Variants in TBPL1 observed in about 807,000 individuals in gnomAD.
TBPL1 encodes TATA box-binding protein-like 1.
TBPL1 carries 4 observed loss-of-function variants against 22.1 expected under a neutral mutation model. The ratio of observed to expected loss-of-function variants is 0.18; its 90% CI spans 0.09 to 0.41. The LOEUF (loss-of-function observed/expected upper bound fraction) is 0.41. Among genes scored for constraint, TBPL1 ranks in the 10% least tolerant of loss-of-function variants. TBPL1 has a pLI of 1.00. For synonymous variants in TBPL1, 64 were observed against 71.0 expected, an observed-to-expected ratio of 0.90 and a Z score of 0.50; for missense variants, 115 against 222.3, an observed-to-expected ratio of 0.52 and a Z score of 3.07.
chr6:133,971,580 T>A (rs755397368), intron 1 of TBPL1, among the ~76,000 whole-genome samples: 4 of 21,574 alleles, frequency 1.9e-4, no homozygotes, highest in Non-Finnish European at 4.8e-4. Flanking sequence ...AATACATAGG[T>A]GTTGTTGTTG....
At chr6:133,974,137 A>AT (rs1249971008) in intron 1 of TBPL1, among the ~76,000 whole-genome samples, 1 of 151,990 alleles carries the variant, frequency 6.6e-6, no homozygotes, top group African/African-American at 2.4e-5. Flanking sequence ...TAGACATATA[A>AT]TTTTTTCTAC....
chr6:133,979,041 CTTGT>C lies in TBPL1; in HGVS notation c.-44-1032_-44-1029del, dbSNP rs1218591740. On this transcript the variant is annotated intron_variant, in intron 1 of 6. Transcript: ENST00000237264. The stretch of plus-strand genomic sequence containing the variant: ...GTCACGTACTTAGTAAAAACTGGGG[CTTGT>C]TTGTTTGTATAAATCATAGGAGTCT... Among the ~76,000 whole-genome samples, 8 of 152,088 alleles carry C rather than the reference CTTGT, an allele frequency of 5.3e-5. No individual in the cohort carries two copies. The East Asian group carries it at 9.7e-4, about 18-fold the overall frequency.
In TBPL1 at chr6:133,977,055, A is replaced by G. The variant is rs72982288; in HGVS notation, c.-44-3027A>G. On this transcript the variant is annotated intron_variant, in intron 1 of 6. Transcript: ENST00000237264. ...AATTATCCTATTGAAAAGGGATATA[A>G]TATGTTTAGCTTTAGAAAGTAAATC... 2.5e-3 allele frequency among the ~76,000 whole-genome samples: 385 copies of G among 152,238 alleles called. 1 individual carries two copies. The highest frequency in any genetic ancestry group is 8.9e-3 in the South Asian group (43 of 4,818).
intron 1 of TBPL1, among the ~76,000 whole-genome samples, chr6:133,963,265 C>T (rs12199025): frequency 1.4e-3 from 219 of 152,256 alleles, no homozygotes; most frequent in South Asian, 2.3e-3. Context: ...TTTAATTACC[C>T]TATGATGGTG....
chr6:133,978,382 TGAGA>T (rs1170761493), intron 1 of TBPL1, among the ~76,000 whole-genome samples: 1 of 152,214 alleles, frequency 6.6e-6, no homozygotes, highest in African/African-American at 2.4e-5. Flanking sequence ...TGTTACAATA[TGAGA>T]ACACTGAGAC....
chr6:133,975,527 G>A lies in TBPL1; in HGVS notation c.-44-4555G>A, dbSNP rs564509378. The stretch of plus-strand genomic sequence containing the variant: ...TTCCTGAGAATTAAAAAAGAAAAAA[G>A]AAATAAGCCACCTTAAATTGTCTAA... On this transcript the variant is annotated intron_variant, in intron 1 of 6. Coordinates refer to ENST00000237264, the MANE Select transcript of TBPL1 (RefSeq NM_004865.4). 7.9e-3 allele frequency among the ~76,000 whole-genome samples: 1,198 copies of A among 152,138 alleles called. 8 individuals carry two copies. Among genetic ancestry groups the A allele is most frequent in the Non-Finnish European group, 0.013 (889 of 67,966 alleles).
rs1369244474 is a variant in TBPL1, at chr6:133,985,294, AAAAATATATATATATATATAT to A, written c.481+625_481+645del. 1.5e-3 allele frequency among the ~76,000 whole-genome samples: 101 copies of A among 68,060 alleles called. 17 individuals are homozygous for A. In the Middle Eastern group the frequency reaches 0.024, roughly 16 times the overall value. The allele number at this position is 68,060 out of a possible 152,430, so 44.7% of individuals were successfully genotyped here. On this transcript the variant is annotated intron_variant, in intron 6 of 6. Coordinates refer to ENST00000237264, the MANE Select transcript of TBPL1 (RefSeq NM_004865.4). ...CTCTGTCTAAAAAAAAAAAAAAAAA[AAAAATATATATATATATATAT>A]ATATATATATATATATATATATACA...
chr6:133,985,571 G>A (rs571898519), intron 6 of TBPL1, among the ~76,000 whole-genome samples: 4 of 151,844 alleles, frequency 2.6e-5, no homozygotes, highest in African/African-American at 9.7e-5. Flanking sequence ...TCAGAGAGTA[G>A]CATTAGCATG....
intron 1 of TBPL1, among the ~76,000 whole-genome samples, chr6:133,959,666 A>G (rs542273850): frequency 1.1e-3 from 168 of 152,132 alleles, no homozygotes; most frequent in Non-Finnish European, 1.9e-3. Context: ...TATTTTTAGT[A>G]GAGATGGGGT....
intron 1 of TBPL1, among the ~76,000 whole-genome samples, chr6:133,958,091 G>A (rs1442760002): frequency 6.6e-6 from 1 of 152,174 alleles, no homozygotes; most frequent in Non-Finnish European, 1.5e-5. Context: ...GATGGCAGAT[G>A]GACTAAGTAA....
chr6:133,979,961 A>C, intron 1 of TBPL1, 121 bp from the exon 2 acceptor site: 1 of 805,398 alleles, frequency 1.2e-6, no homozygotes, highest in South Asian at 2.7e-5. Flanking sequence ...ACATGATTTG[A>C]TTCTAGTAAC....
chr6:133,967,742 C>T (rs1004591408), intron 1 of TBPL1, among the ~76,000 whole-genome samples: 1 of 152,186 alleles, frequency 6.6e-6, no homozygotes, highest in Non-Finnish European at 1.5e-5. Context: ...TGGACCAAAA[C>T]ATTGTTAGGC....
rs1234635489 is a variant in TBPL1 at position 133,982,665 on chromosome 6, G to A, written c.218+15G>A. ...GGAGCAACAAGGTAAATGCTACTTG[G>A]GTTTTTTGTTTTTATTTTTTACTTT... On this transcript the variant is annotated intron_variant, in intron 3 of 6. Transcript: ENST00000237264. 6.2e-7 allele frequency: 1 copy of A among 1,604,046 alleles called. No homozygotes were observed. Among genetic ancestry groups the A allele is most frequent in the Admixed American group, 1.7e-5 (1 of 58,092 alleles).
At chr6:133,979,509 A>G (rs926062292) in intron 1 of TBPL1, among the ~76,000 whole-genome samples, 41 of 152,198 alleles carry the variant, frequency 2.7e-4, no homozygotes, top group South Asian at 2.1e-4. Flanking sequence ...ATAGCAGGAG[A>G]TAAGTCTGGC....
intron 1 of TBPL1, among the ~76,000 whole-genome samples, chr6:133,976,133 A>G (rs912628494): frequency 2.0e-5 from 3 of 152,236 alleles, no homozygotes; most frequent in Non-Finnish European, 4.4e-5. Flanking sequence ...TGTAGGAAAA[A>G]AAGATCGTTA....
intron 1 of TBPL1, chr6:133,969,087 C>A (rs562236067): frequency 3.3e-5 from 5 of 152,138 alleles, no homozygotes; most frequent in Non-Finnish European, 7.4e-5. Flanking sequence ...TCTTATATTG[C>A]AAAATATTTC....
chr6:133,987,608 C>CTT lies in TBPL1; in HGVS notation c.*572_*573dup, dbSNP rs1562670162. 1 of 138,358 alleles carries CTT rather than the reference C, an allele frequency of 7.2e-6. No individual in the cohort carries two copies. The highest frequency in any genetic ancestry group is 7.4e-5 in the Admixed American group (1 of 13,590). The allele number at this position is 138,358 out of a possible 1,614,324, so 8.6% of individuals were successfully genotyped here. Reference sequence around the variant, plus strand: ...GACTTTGGCTAAAGTGTGTTGGCTTCTTTTTGAAGTGTATTTTGTGTGTGT... The same window carrying CTT: ...GACTTTGGCTAAAGTGTGTTGGCTTCTTTTTTTGAAGTGTATTTTGTGTGTGT... On this transcript the variant is annotated 3_prime_UTR_variant, in exon 7 of 7. Coordinates refer to ENST00000237264, the MANE Select transcript of TBPL1 (RefSeq NM_004865.4).
intron 6 of TBPL1, among the ~76,000 whole-genome samples, chr6:133,985,290 A>C (rs1776489048): frequency 1.6e-5 from 1 of 64,436 alleles, no homozygotes; most frequent in Non-Finnish European, 3.3e-5. Flanking sequence ...AAAAAAAAAA[A>C]AAAAAAAATA....
Position 133,988,732 on chromosome 6 carries a change from TTA to T in TBPL1, c.*1693_*1694del, listed in dbSNP as rs1776574514. 1 of 151,994 alleles carries T rather than the reference TTA, an allele frequency of 6.6e-6. No individual in the cohort carries two copies. The highest frequency in any genetic ancestry group is 6.6e-5 in the Admixed American group (1 of 15,240). The allele number at this position is 151,994 out of a possible 1,614,324, so 9.4% of individuals were successfully genotyped here. A position where few individuals can be genotyped will look rare whatever the true frequency, so the allele number is the denominator to read the frequency against. ...TTTAGACTTGTATTTTTCCTTTTTT[TTA>T]AAAAAAAAGTGTTTATTTCCTTTAT... On this transcript the variant is annotated 3_prime_UTR_variant, in exon 7 of 7. Coordinates refer to ENST00000237264, the MANE Select transcript of TBPL1 (RefSeq NM_004865.4).
Sources: allele counts gnomAD v4.1 joint callset (sites outside exome capture counted in the v4.1 genomes callset), GRCh38; gene constraint gnomAD v4.1.1; transcripts MANE v1.5; gene names NCBI Gene and HGNC (gene_info 2026-07-23, HGNC 2026-07-21).